DDX10: variants seen among roughly 807,000 people sequenced by gnomAD.
DDX10 encodes probable ATP-dependent RNA helicase DDX10.
Under a neutral mutation model 104.3 loss-of-function variants are expected in DDX10, and 74 were observed. That is an observed-to-expected ratio of 0.71 (90% confidence interval 0.59 to 0.86). The LOEUF is 0.86. DDX10 is among the 40% of genes least tolerant of loss of function. The pLI is 0.00. For missense variants in DDX10, 952 were observed against 1,040.0 expected (o/e 0.92, Z 1.16); for synonymous variants, 351 against 353.4 (o/e 0.99, Z 0.08).
chr11:108,802,544 C>T (rs1201988286), intron 13 of DDX10, among the ~76,000 whole-genome samples: 2 of 152,136 alleles, frequency 1.3e-5, no homozygotes, highest in African/African-American at 4.8e-5. Context: ...CCCTCAGATA[C>T]GTGCCATTTC....
At chr11:108,708,274 A>C (rs376434829) in intron 10 of DDX10, among the ~76,000 whole-genome samples, 1 of 147,718 alleles carries the variant, frequency 6.8e-6, no homozygotes, top group East Asian at 2.0e-4. Context: ...TTTTTTTTTT[A>C]AAATCTGATG....
intron 17 of DDX10, among the ~76,000 whole-genome samples, chr11:108,934,573 G>A (rs1864013461): frequency 6.6e-6 from 1 of 152,134 alleles, no homozygotes; most frequent in East Asian, 1.9e-4. Flanking sequence ...TTTATGTAAT[G>A]GATAGAGGAA....
chr11:108,724,655 G>T lies in DDX10; in HGVS notation c.1965+1193G>T, dbSNP rs571045716. 4.4e-4 allele frequency among the ~76,000 whole-genome samples: 67 copies of T among 152,124 alleles called. 1 individual carries two copies. The highest frequency in any genetic ancestry group is 4.3e-3 in the Admixed American group (66 of 15,266). On this transcript the variant is annotated intron_variant, in intron 13 of 17. Coordinates refer to ENST00000322536, the MANE Select transcript of DDX10 (RefSeq NM_004398.4). Reference sequence around the variant, plus strand: ...TTTCGTTTTAAATAATTTAGCCACTGTATTAACTATTATGTATATCACTTT... The same window carrying T: ...TTTCGTTTTAAATAATTTAGCCACTTTATTAACTATTATGTATATCACTTT...
intron 17 of DDX10, among the ~76,000 whole-genome samples, chr11:108,932,296 T>C (rs1000981276): frequency 3.3e-5 from 5 of 151,962 alleles, no homozygotes; most frequent in African/African-American, 9.7e-5. Flanking sequence ...GTTGAAAGCT[T>C]TATATACTTT....
At chr11:108,816,738 G>C (rs1178748766) in intron 13 of DDX10, among the ~76,000 whole-genome samples, 1 of 151,984 alleles carries the variant, frequency 6.6e-6, no homozygotes, top group Non-Finnish European at 1.5e-5. Context: ...TTTTTTAGTA[G>C]AGACAGAGTT....
At chr11:108,691,774 A>C in intron 7 of DDX10, 102 bp from the exon 8 acceptor site, 1 of 954,642 alleles carries the variant, frequency 1.0e-6, no homozygotes, top group Non-Finnish European at 1.5e-6. Context: ...ATTGGGTATC[A>C]CATTGCTCTG....
intron 17 of DDX10, 86 bp from the exon 18 acceptor site, chr11:108,940,160 T>C: frequency 1.5e-6 from 2 of 1,371,758 alleles, no homozygotes; most frequent in East Asian, 2.4e-5. Context: ...AATATCACTT[T>C]ACCAACTCTC....
intron 16 of DDX10, among the ~76,000 whole-genome samples, chr11:108,910,702 AG>A (rs1269324198): frequency 6.6e-6 from 1 of 150,480 alleles, no homozygotes; most frequent in African/African-American, 2.5e-5. Flanking sequence ...CTTTCTGCCC[AG>A]GGCTTTAAGA....
At chr11:108,734,399 G>A (rs1057047005) in intron 13 of DDX10, among the ~76,000 whole-genome samples, 8 of 152,208 alleles carry the variant, frequency 5.3e-5, no homozygotes, top group Admixed American at 3.3e-4. Context: ...TGTAATCTAA[G>A]CTTTGTTCCA....
At chr11:108,791,163 T>C (rs1169546291) in intron 13 of DDX10, among the ~76,000 whole-genome samples, 1 of 152,230 alleles carries the variant, frequency 6.6e-6, no homozygotes, top group Non-Finnish European at 1.5e-5. Flanking sequence ...CTTGGCATGC[T>C]CATTTCGGGG....
intron 16 of DDX10, among the ~76,000 whole-genome samples, chr11:108,872,421 A>AT (rs757913381): frequency 4.6e-5 from 7 of 152,224 alleles, no homozygotes; most frequent in Admixed American, 2.0e-4. Flanking sequence ...AACAGCCCTC[A>AT]TTCCCTTGAA....
At chr11:108,940,185 TA>T in intron 17 of DDX10, 60 bp from the exon 18 acceptor site, 1 of 1,527,084 alleles carries the variant, frequency 6.5e-7, no homozygotes, top group South Asian at 1.3e-5. Flanking sequence ...AATTTTGTCC[TA>T]TTTTAAATGT....
intron 9 of DDX10, among the ~76,000 whole-genome samples, chr11:108,704,972 G>C (rs576737798): frequency 6.6e-6 from 1 of 152,146 alleles, no homozygotes; most frequent in Non-Finnish European, 1.5e-5. Flanking sequence ...TCTTAGTTTA[G>C]ATGTTGGTTT....
chr11:108,738,034 G>A (rs1185160451), intron 13 of DDX10, among the ~76,000 whole-genome samples: 1 of 152,016 alleles, frequency 6.6e-6, no homozygotes, highest in Non-Finnish European at 1.5e-5. Context: ...GGAAATGGTT[G>A]CATATTCCAA....
chr11:108,692,446 GTAGT>G (rs1244667349), intron 8 of DDX10, among the ~76,000 whole-genome samples: 2 of 150,438 alleles, frequency 1.3e-5, no homozygotes, highest in Non-Finnish European at 3.0e-5. Flanking sequence ...TACATTTAGC[GTAGT>G]TAAATTTATT....
intron 13 of DDX10, among the ~76,000 whole-genome samples, chr11:108,797,913 CA>C (rs1177104722): frequency 6.6e-6 from 1 of 152,200 alleles, no homozygotes; most frequent in African/African-American, 2.4e-5. Flanking sequence ...AGCCATTCCT[CA>C]GTAATGATCC....
intron 13 of DDX10, among the ~76,000 whole-genome samples, chr11:108,790,650 G>C (rs1345111913): frequency 1.3e-5 from 2 of 152,166 alleles, no homozygotes; most frequent in African/African-American, 4.8e-5. Context: ...AGAGGATGTA[G>C]GTGTACTCAG....
intron 13 of DDX10, among the ~76,000 whole-genome samples, chr11:108,774,801 T>C (rs1340700904): frequency 6.6e-6 from 1 of 152,180 alleles, no homozygotes; most frequent in African/African-American, 2.4e-5. Flanking sequence ...TCCGGTATGC[T>C]TTGAGGATGG....
intron 15 of DDX10, among the ~76,000 whole-genome samples, chr11:108,845,753 G>A (rs765056571): frequency 1.3e-5 from 2 of 151,830 alleles, no homozygotes; most frequent in South Asian, 4.2e-4. Context: ...TGTAAGCCTT[G>A]GCATTTTTTT....
Sources: gnomAD v4.1 joint callset for allele counts (sites outside exome capture counted in the v4.1 genomes callset) on GRCh38, gnomAD v4.1.1 for gene constraint, MANE v1.5 for transcripts, NCBI Gene and HGNC (gene_info 2026-07-23, HGNC 2026-07-21) for gene names.